The following ERG variants were observed in gnomAD, a reference collection of about 807,000 sequenced individuals.
ERG encodes ETS transcription factor ERG.
ERG carries 9 observed loss-of-function variants against 55.3 expected under a neutral mutation model. That is an observed-to-expected ratio of 0.16 (90% CI 0.10 to 0.28). The LOEUF (loss-of-function observed/expected upper bound fraction) is 0.28, where lower values mean the gene tolerates loss of function less well. Ranked by LOEUF, ERG falls within the 10% of genes least tolerant of loss-of-function variation. ERG has a pLI of 1.00. For synonymous variants in ERG, 223 were observed against 237.3 expected (o/e 0.94, Z 0.55); for missense variants, 434 against 631.6 (o/e 0.69, Z 3.35).
intron 1 of ERG, among the ~76,000 whole-genome samples, chr21:38,629,730 G>A (rs2060346058): frequency 6.6e-6 from 1 of 152,164 alleles, no homozygotes; most frequent in Non-Finnish European, 1.5e-5. Flanking sequence ...ATTACCATGT[G>A]ATCCAGCAAT....
intron 2 of ERG, among the ~76,000 whole-genome samples, chr21:38,573,571 A>G (rs990371456): frequency 2.0e-5 from 3 of 152,250 alleles, no homozygotes; most frequent in South Asian, 2.1e-4. Context: ...ACATCCAGGC[A>G]TAGTACCTTC....
intron 2 of ERG, among the ~76,000 whole-genome samples, chr21:38,430,174 GTTGAGTGTT>G (rs1207308712): frequency 1.3e-5 from 2 of 152,078 alleles, no homozygotes; most frequent in Non-Finnish European, 1.5e-5. Context: ...AACAAGTGAT[GTTGAGTGTT>G]TTTTCATGTT....
At chr21:38,562,840 C>A (rs908694314) in intron 2 of ERG, among the ~76,000 whole-genome samples, 9 of 152,112 alleles carry the variant, frequency 5.9e-5, no homozygotes, top group Non-Finnish European at 1.5e-5. Context: ...ACTGAATTGA[C>A]TGCAATAGAT....
In ERG at chr21:38,480,537, A is replaced by T. The variant is rs550418215; in HGVS notation, c.18+17826T>A. ...GCTATCCTGAGAAACTGGTAACAGT[A>T]CTTGTGGATGCTGTTTTTAACAAAA... is the stretch of plus-strand genomic sequence containing the variant. On this transcript the variant is annotated intron_variant, in intron 1 of 9. Transcript: ENST00000288319. Among the ~76,000 whole-genome samples, 4 of 145,670 alleles carry T rather than the reference A, an allele frequency of 2.7e-5. No homozygotes were observed. In the South Asian group the frequency reaches 6.6e-4, roughly 24 times the overall value.
intron 1 of ERG, chr21:38,451,258 C>A: frequency 2.0e-6 from 1 of 493,566 alleles, no homozygotes; most frequent in Admixed American, 2.1e-5. Flanking sequence ...GTAAGGACTT[C>A]TCTAGGTATA....
At chr21:38,379,470 C>T (rs557456855), downstream of ERG, among the ~76,000 whole-genome samples, 13 of 152,254 alleles carry the variant, frequency 8.5e-5, no homozygotes, top group African/African-American at 2.6e-4. Context: ...CTTTAGGAAA[C>T]ATGCCATGTG....
intron 3 of ERG, among the ~76,000 whole-genome samples, chr21:38,421,808 T>C (rs553048544): frequency 3.9e-5 from 6 of 152,336 alleles, no homozygotes; most frequent in Admixed American, 3.3e-4. Context: ...TTGTGGGGCT[T>C]ATGTTCCATT....
chr21:38,442,981 G>A (rs977996434), intron 2 of ERG, among the ~76,000 whole-genome samples: 7 of 151,990 alleles, frequency 4.6e-5, no homozygotes, highest in African/African-American at 1.7e-4. Flanking sequence ...CTAATTTTTT[G>A]TATTTTTAGT....
intron 1 of ERG, among the ~76,000 whole-genome samples, chr21:38,635,886 C>T (rs906615364): frequency 2.0e-5 from 3 of 152,172 alleles, no homozygotes; most frequent in Non-Finnish European, 4.4e-5. Flanking sequence ...CTTGCAATCA[C>T]TAGTTCCACA....
intron 1 of ERG, among the ~76,000 whole-genome samples, chr21:38,652,511 T>C (rs1462853295): frequency 6.6e-6 from 1 of 152,004 alleles, no homozygotes; most frequent in Non-Finnish European, 1.5e-5. Context: ...GAAACAAGGG[T>C]AAGAACATAA....
In ERG at chr21:38,559,816, G is replaced by A. The variant is rs575423445; in HGVS notation, c.-41+15846C>T. ...CTGCCTCAGTCTCCCAAGTAGCTGG[G>A]ATTACAGGCATGCGCCACCACGCCC... On this transcript the variant is annotated intron_variant, in intron 2 of 8. Transcript: ENST00000398897. Among the ~76,000 whole-genome samples the A allele has an allele frequency of 3.9e-5, 6 of 152,264 alleles. No homozygotes were observed. In the South Asian group the frequency reaches 1.0e-3, roughly 26 times the overall value.
chr21:38,489,416 C>A (rs1480450457), intron 1 of ERG, among the ~76,000 whole-genome samples: 1 of 152,212 alleles, frequency 6.6e-6, no homozygotes, highest in Non-Finnish European at 1.5e-5. Flanking sequence ...CCTAGCAACA[C>A]ACATTTTATG....
downstream of ERG, among the ~76,000 whole-genome samples, chr21:38,379,580 A>G (rs1241365685): frequency 6.6e-6 from 1 of 152,210 alleles, no homozygotes; most frequent in Admixed American, 6.5e-5. Context: ...AGCACTAATT[A>G]TAATCAGGTA....
intron 1 of ERG, among the ~76,000 whole-genome samples, chr21:38,481,065 T>A (rs1354140917): frequency 6.6e-6 from 1 of 152,196 alleles, no homozygotes; most frequent in Non-Finnish European, 1.5e-5. Context: ...CTAAAAACAG[T>A]TAAGAGTATA....
At chr21:38,658,509 G>C (rs1441241930) in intron 1 of ERG, among the ~76,000 whole-genome samples, 2 of 152,088 alleles carry the variant, frequency 1.3e-5, no homozygotes, top group Non-Finnish European at 2.9e-5. Flanking sequence ...CTTCTGTTTT[G>C]AGAAGAAATA....
chr21:38,489,355 C>T (rs1030677168), intron 1 of ERG, among the ~76,000 whole-genome samples: 4 of 152,218 alleles, frequency 2.6e-5, no homozygotes, highest in Non-Finnish European at 4.4e-5. Context: ...GAGGTACCCT[C>T]ACAGGGATGC....
chr21:38,503,065 A>G (rs2059433217), upstream of ERG, among the ~76,000 whole-genome samples: 1 of 152,250 alleles, frequency 6.6e-6, no homozygotes, highest in African/African-American at 2.4e-5. Context: ...AAATAAATAA[A>G]AAGGCAAAGT....
upstream of ERG, among the ~76,000 whole-genome samples, chr21:38,585,532 C>CTT (rs760791568): frequency 7.5e-3 from 443 of 59,248 alleles, 81 homozygotes; most frequent in African/African-American, 0.015. Flanking sequence ...TCTCTCTCTT[C>CTT]TTTTTTTTTT....
At chr21:38,373,468 C>T in the ERG span, among the ~76,000 whole-genome samples, 13 of 152,156 alleles carry the variant, frequency 8.5e-5, no homozygotes, top group African/African-American at 2.9e-4. Flanking sequence ...AGGTCAGTAC[C>T]TCTGTAAATA....
Sources: allele counts gnomAD v4.1 joint callset (sites outside exome capture counted in the v4.1 genomes callset), GRCh38; gene constraint gnomAD v4.1.1; transcripts MANE v1.5; gene names NCBI Gene and HGNC (gene_info 2026-07-23, HGNC 2026-07-21).